Variants in BAG3 observed in about 807,000 individuals in gnomAD.
BAG3 encodes the protein BAG cochaperone 3.
BAG3 carries 14 observed loss-of-function variants against 40.5 expected under a neutral mutation model. The observed-to-expected ratio is 0.35, with a 90% CI of 0.23 to 0.54. BAG3 has a LOEUF of 0.54. BAG3 is among the 20% of genes least tolerant of loss of function. The pLI is 0.91. For missense variants in BAG3, 788 were observed against 758.6 expected, an observed-to-expected ratio of 1.04 and a Z score of -0.46; for synonymous variants, 302 against 307.8, an observed-to-expected ratio of 0.98 and a Z score of 0.20.
Position 119,669,960 on chromosome 10 carries a change from C to T in BAG3, c.290C>T (p.Pro97Leu). 6.2e-7 allele frequency: 1 copy of T among 1,614,260 alleles called. No homozygotes were observed. Among genetic ancestry groups the T allele is most frequent in the South Asian group, 1.1e-5 (1 of 91,088 alleles). Residue 97 changes from proline to leucine, a missense_variant, in exon 2 of 4, where the codon CCT (proline) becomes CTT (leucine). Pro to Leu is a moderately conservative substitution (Grantham distance 98). Transcript: ENST00000369085. Reference sequence around the variant, plus strand: ...CTCCGACCAGGCTACATTCCCATTCCTGTGCTCCATGAAGGCGCTGAGAAC... The same window carrying T: ...CTCCGACCAGGCTACATTCCCATTCTTGTGCTCCATGAAGGCGCTGAGAAC... ...PQLRPGYIPIPVLHEGAENRQ... is the reference protein window; with the variant it reads ...PQLRPGYIPILVLHEGAENRQ...
rs747820097 is a variant in BAG3 at position 119,651,808 on chromosome 10, C to A, written c.133C>A (p.Arg45Ser). ...GWPFFVDHNS[R>S]TTTWNDPRVP... ...GCCCTTCTTCGTGGACCACAACAGCCGCACCACTACGTGGAACGACCCGCG... is the reference window on the plus strand; with the variant it reads ...GCCCTTCTTCGTGGACCACAACAGCAGCACCACTACGTGGAACGACCCGCG... The change falls in exon 1 of 4, where the codon CGC becomes AGC. Residue 45 changes from arginine to serine, a missense_variant. By Grantham distance (110) the Arg-to-Ser change is moderately radical. Transcript: ENST00000369085. 1 of 1,598,044 alleles carries A rather than the reference C, an allele frequency of 6.3e-7. No homozygotes were observed. Among genetic ancestry groups the A allele is most frequent in the South Asian group, 1.1e-5 (1 of 89,042 alleles).
chr10:119,672,523 C>T lies in BAG3; in HGVS notation c.776C>T (p.Pro259Leu), dbSNP rs757710876. The T allele has an allele frequency of 3.1e-6, 5 of 1,614,042 alleles. No homozygotes were observed. The highest frequency in any genetic ancestry group is 1.3e-5 in the African/African-American group (1 of 75,070). The change falls in exon 3 of 4, where the codon CCC (proline) becomes CTC (leucine). Residue 259 changes from proline (P) to leucine (L), a missense_variant. Coordinates refer to ENST00000369085, the MANE Select transcript of BAG3 (RefSeq NM_004281.4). The surrounding 1 kb of genome is among the most constrained non-coding windows in gnomAD (Gnocchi z 4.8). ...KIQGDDWEPR[P>L]LRAASPFRSS... ...CAGGGGGATGACTGGGAGCCCCGGC[C>T]CCTGCGGGCGGCATCCCCGTTCAGG...
chr10:119,653,320 C>T (rs547067275), intron 1 of BAG3, among the ~76,000 whole-genome samples: 2 of 152,152 alleles, frequency 1.3e-5, no homozygotes, highest in African/African-American at 2.4e-5. Context: ...CATTTCAAAC[C>T]ACCTTTCTTA....
At chr10:119,653,764 G>T (rs1846874187) in intron 1 of BAG3, among the ~76,000 whole-genome samples, 1 of 152,158 alleles carries the variant, frequency 6.6e-6, no homozygotes, top group Admixed American at 6.5e-5. Context: ...TGACTTTGAA[G>T]GTCATCCAGC....
chr10:119,669,776 C>T, intron 1 of BAG3, 75 bp from the exon 2 acceptor site: 1 of 1,439,804 alleles, frequency 6.9e-7, no homozygotes, highest in Non-Finnish European at 9.7e-7. Flanking sequence ...TGCCAAGCGC[C>T]ACAGTGTTTC....
At chr10:119,665,431 C>G (rs1414098206) in intron 1 of BAG3, among the ~76,000 whole-genome samples, 3 of 151,906 alleles carry the variant, frequency 2.0e-5, no homozygotes, top group Non-Finnish European at 4.4e-5. Flanking sequence ...TGAGCCACCG[C>G]GCCCAGCCTA....
rs572474802 is a variant in BAG3 at position 119,660,611 on chromosome 10, C to G, written c.180+8756C>G. Among the ~76,000 whole-genome samples the G allele has an allele frequency of 2.7e-5, 4 of 149,168 alleles. No individual in the cohort carries two copies. The East Asian group carries it at 8.0e-4, about 30-fold the overall frequency. On this transcript the variant is annotated intron_variant, in intron 1 of 3. Coordinates refer to ENST00000369085, the MANE Select transcript of BAG3 (RefSeq NM_004281.4). ...CTGTAATCCCAGCACTTTGGGAGGC[C>G]GAGGCAGATGGATCACTTGAGCCCG...
chr10:119,654,525 CCT>C (rs2134052522), intron 1 of BAG3, among the ~76,000 whole-genome samples: 1 of 152,358 alleles, frequency 6.6e-6, no homozygotes, highest in Admixed American at 6.5e-5. Flanking sequence ...AGGACAACTC[CCT>C]GTTTTCACAG....
chr10:119,665,144 A>ATT (rs1161102936), intron 1 of BAG3, among the ~76,000 whole-genome samples: 1 of 88,790 alleles, frequency 1.1e-5, no homozygotes, highest in Non-Finnish European at 2.2e-5. Context: ...ATATATATAT[A>ATT]TTTTTTTTTT....
At chr10:119,669,829 G>A in intron 1 of BAG3, 22 bp from the exon 2 acceptor site, 2 of 1,610,932 alleles carry the variant, frequency 1.2e-6, no homozygotes, top group Non-Finnish European at 1.7e-6. Flanking sequence ...ACCAGCCTGT[G>A]TTTCTCCACT....
At chr10:119,657,648 T>C (rs1846931517) in intron 1 of BAG3, 1 of 469,608 alleles carries the variant, frequency 2.1e-6, no homozygotes, top group Non-Finnish European at 4.4e-6. Flanking sequence ...AGAGGCCTGC[T>C]CCTTTTTGTC....
chr10:119,672,462 G>A lies in BAG3; in HGVS notation c.715G>A (p.Glu239Lys), dbSNP rs148544471. 8 of 1,614,094 alleles carry A rather than the reference G, an allele frequency of 5.0e-6. No homozygotes were observed. The African/African-American group carries it at 1.1e-4, about 22-fold the overall frequency. The change falls in exon 3 of 4, where the codon GAG becomes AAG. Residue 239 changes from glutamate (E) to lysine (K), a missense_variant. Glu to Lys is a moderately conservative substitution (Grantham distance 56). Transcript: ENST00000369085. The surrounding 1 kb of genome is among the most constrained non-coding windows in gnomAD (Gnocchi z 4.8). ...GACGCACTACCCAGCGCAGCAGGGG[G>A]AGTACCAGACCCACCAGCCTGTGTA... ...QKTHYPAQQG[E>K]YQTHQPVYHK...
intron 2 of BAG3, among the ~76,000 whole-genome samples, chr10:119,671,011 G>C (rs1264382203): frequency 1.3e-5 from 2 of 152,174 alleles, no homozygotes; most frequent in Non-Finnish European, 2.9e-5. Context: ...ACCTGCTTGA[G>C]AGTGAAAGTT....
chr10:119,665,630 T>G lies in BAG3; in HGVS notation c.181-4221T>G, dbSNP rs183435420. Among the ~76,000 whole-genome samples, 468 of 152,280 alleles carry G rather than the reference T, an allele frequency of 3.1e-3. 2 individuals carry two copies. Among genetic ancestry groups the G allele is most frequent in the African/African-American group, 0.01 (426 of 41,544 alleles). On this transcript the variant is annotated intron_variant, in intron 1 of 3. Coordinates refer to ENST00000369085, the MANE Select transcript of BAG3 (RefSeq NM_004281.4). Reference sequence around the variant, plus strand: ...GCGGAAGCATTTGCTGTTGTGACCCTAATGATAGTGGATGGGAACATTAGA... The same window carrying G: ...GCGGAAGCATTTGCTGTTGTGACCCGAATGATAGTGGATGGGAACATTAGA...
chr10:119,654,256 C>T (rs775835933), intron 1 of BAG3, among the ~76,000 whole-genome samples: 1 of 152,054 alleles, frequency 6.6e-6, no homozygotes, highest in African/African-American at 2.4e-5. Flanking sequence ...AAACAAAGGG[C>T]GATTTTGGAG....
rs1474784659 is a variant in BAG3, at chr10:119,651,721, A to G, written c.46A>G (p.Asn16Asp). Residue 16 changes from asparagine (N) to aspartate (D), a missense_variant, in exon 1 of 4, where the codon AAC (asparagine) becomes GAC (aspartate). Physicochemically the swap from Asn to Asp is conservative, Grantham distance 23. Transcript: ENST00000369085. ...HSPMMQVASGNGDRDPLPPGW... is the reference protein window; with the variant it reads ...HSPMMQVASGDGDRDPLPPGW... ...GCCCATGATGCAGGTGGCGTCCGGC[A>G]ACGGTGACCGCGACCCTTTGCCCCC... The G allele has an allele frequency of 1.9e-6, 3 of 1,596,170 alleles. No homozygotes were observed. Among genetic ancestry groups the G allele is most frequent in the African/African-American group, 2.7e-5 (2 of 73,248 alleles).
At position 119,651,492 on chromosome 10, in the gene BAG3, T is replaced by C. The variant is rs954944975; in HGVS notation, c.-184T>C. 2.3e-5 allele frequency: 11 copies of C among 480,488 alleles called. No individual in the cohort carries two copies. Among genetic ancestry groups the C allele is most frequent in the Admixed American group, 2.3e-4 (5 of 22,152 alleles). The allele number at this position is 480,488 out of a possible 1,614,324, so 29.8% of individuals were successfully genotyped here. Reference sequence around the variant, plus strand: ...TCCCCTCTGGCAGCGAGGAGGCTATTTCCAGACACTTCCACCCCTCTCTGG... The same window carrying C: ...TCCCCTCTGGCAGCGAGGAGGCTATCTCCAGACACTTCCACCCCTCTCTGG... On this transcript the variant is annotated 5_prime_UTR_variant, in exon 1 of 4. Coordinates refer to ENST00000369085, the MANE Select transcript of BAG3 (RefSeq NM_004281.4).
intron 3 of BAG3, among the ~76,000 whole-genome samples, chr10:119,675,592 A>G (rs1279231066): frequency 1.3e-5 from 2 of 152,146 alleles, no homozygotes; most frequent in Admixed American, 1.3e-4. Context: ...AGGAGACAAG[A>G]AGATCACACC....
chr10:119,676,368 CA>C, intron 3 of BAG3, 95 bp from the exon 4 acceptor site: 4 of 1,326,908 alleles, frequency 3.0e-6, no homozygotes, highest in Non-Finnish European at 4.2e-6. Context: ...TTTAAAAAGC[CA>C]TTTCTCAGTT....
Sources: allele counts gnomAD v4.1 joint callset (sites outside exome capture counted in the v4.1 genomes callset), GRCh38; gene constraint gnomAD v4.1.1; non-coding constraint Gnocchi (gnomAD v3.1); transcripts MANE v1.5; gene names NCBI Gene and HGNC (gene_info 2026-07-23, HGNC 2026-07-21).